The following MBD5 variants were observed in gnomAD, a reference collection of about 807,000 sequenced individuals.
MBD5 encodes methyl-CpG-binding domain protein 5.
A neutral mutation model predicts 117.3 loss-of-function variants in MBD5; 13 were observed. The ratio of observed to expected loss-of-function variants is 0.11; its 90% CI spans 0.07 to 0.18. MBD5 has a LOEUF of 0.18. Ranked by LOEUF, MBD5 falls within the 10% of genes least tolerant of loss-of-function variation. MBD5 has a pLI of 1.00. For missense variants in MBD5, 1,879 were observed against 2,093.8 expected (o/e 0.90, Z 2.00); for synonymous variants, 727 against 766.4 (o/e 0.95, Z 0.85).
At chr2:148,091,275 A>G (rs1272240345) in intron 1 of MBD5, among the ~76,000 whole-genome samples, 1 of 152,112 alleles carries the variant, frequency 6.6e-6, no homozygotes, top group African/African-American at 2.4e-5. Flanking sequence ...TCAAAATACC[A>G]TCATCATTCT....
chr2:148,138,288 G>A (rs1254058453), intron 1 of MBD5, among the ~76,000 whole-genome samples: 1 of 152,122 alleles, frequency 6.6e-6, no homozygotes, highest in Admixed American at 6.5e-5. Context: ...TTATTCTCAT[G>A]TTACAGATGT....
chr2:148,232,011 T>C (rs1033946921), intron 2 of MBD5, among the ~76,000 whole-genome samples: 5 of 152,050 alleles, frequency 3.3e-5, no homozygotes, highest in African/African-American at 1.2e-4. Flanking sequence ...TTTGAGAAGA[T>C]CCAGAAACAA....
At chr2:148,239,686 T>TACACACACACACACACACACACAC (rs34980624) in intron 3 of MBD5, among the ~76,000 whole-genome samples, 1,520 of 141,478 alleles carry the variant, frequency 0.011, 19 homozygotes, top group East Asian at 0.038. Flanking sequence ...TTTATTTACT[T>TACACACACACACACACACACACAC]ACACACACAC....
chr2:148,470,455 G>A lies in MBD5; in HGVS notation c.2512G>A (p.Glu838Lys). The A allele has an allele frequency of 6.3e-7, 1 of 1,597,474 alleles. No homozygotes were observed. The highest frequency in any genetic ancestry group is 8.5e-7 in the Non-Finnish European group (1 of 1,171,538). The change falls in exon 8 of 14, where the codon GAA becomes AAA. Residue 838 changes from glutamate (E) to lysine (K), a missense_variant. Around this residue, in one of 4 missense-constraint regions of MBD5, gnomAD observed 1,666 missense variants for 1,792.2 expected, o/e 0.93. Transcript: ENST00000642680. ...TAGCAGCTATAATCAAACAAGTTCT[G>A]AAGCAGGTATGGTTTTATTAGAAAA... Reference protein sequence around the residue: ...IVSSYNQTSSEAGGSGPSSSI... With the variant: ...IVSSYNQTSSKAGGSGPSSSI...
At chr2:148,037,036 A>G (rs555769769) in intron 1 of MBD5, among the ~76,000 whole-genome samples, 2 of 152,088 alleles carry the variant, frequency 1.3e-5, no homozygotes, top group East Asian at 3.9e-4. Context: ...TCAAATTTAT[A>G]ATTTATGCTC....
chr2:148,044,078 C>T (rs1472678061), intron 1 of MBD5, among the ~76,000 whole-genome samples: 3 of 152,142 alleles, frequency 2.0e-5, no homozygotes, highest in Non-Finnish European at 4.4e-5. Context: ...CAAGAAGAGT[C>T]ATCTTTATAT....
chr2:148,476,454 G>A (rs1270164338), intron 8 of MBD5, among the ~76,000 whole-genome samples: 3 of 151,766 alleles, frequency 2.0e-5, no homozygotes, highest in Admixed American at 6.6e-5. Context: ...ATTCTATTTG[G>A]TATTTTTTAA....
In MBD5 at chr2:148,470,062, T is replaced by G. The variant is rs1394309796; in HGVS notation, c.2119T>G (p.Ser707Ala). ...CAGTTCAATGTCTCAGTTACTACAG[T>G]CTATGAGTTGTCAAAGCTCTCACTT... Reference protein sequence around the residue: ...PISSMSQLLQSMSCQSSHLSS... With the variant: ...PISSMSQLLQAMSCQSSHLSS... Residue 707 changes from serine (S) to alanine (A), a missense_variant, in exon 8 of 14, where the codon TCT becomes GCT. By Grantham distance (99) the Ser-to-Ala change is moderately conservative. Transcript: ENST00000642680. 4 of 1,613,898 alleles carry G rather than the reference T, an allele frequency of 2.5e-6. No homozygotes were observed. Among genetic ancestry groups the G allele is most frequent in the Non-Finnish European group, 3.4e-6 (4 of 1,179,892 alleles).
intron 4 of MBD5, among the ~76,000 whole-genome samples, chr2:148,418,724 T>G (rs1705501989): frequency 6.6e-6 from 1 of 152,120 alleles, no homozygotes; most frequent in Admixed American, 6.5e-5. Context: ...AAAGAAATTA[T>G]AGATGACACA....
intron 1 of MBD5, chr2:148,025,749 G>A (rs1693874539): frequency 6.6e-6 from 1 of 152,092 alleles, no homozygotes; most frequent in Non-Finnish European, 1.5e-5. Context: ...AGTAATTAGT[G>A]TGCACTATTT....
chr2:148,382,208 C>T (rs1704169884), intron 4 of MBD5, among the ~76,000 whole-genome samples: 3 of 151,406 alleles, frequency 2.0e-5, no homozygotes, highest in Admixed American at 2.0e-4. Flanking sequence ...TTCAGGAAAC[C>T]CATCTCACGT....
chr2:148,514,579 G>A lies in MBD5; in HGVS notation c.*1638G>A, dbSNP rs1682302335. 1 of 152,274 alleles carries A rather than the reference G, an allele frequency of 6.6e-6. No individual in the cohort carries two copies. Among genetic ancestry groups the A allele is most frequent in the Non-Finnish European group, 1.5e-5 (1 of 68,104 alleles). The allele number at this position is 152,274 out of a possible 1,614,324, so 9.4% of individuals were successfully genotyped here. A position where few individuals can be genotyped will look rare whatever the true frequency, so the allele number is the denominator to read the frequency against. ...GCTCACACAACAGTCTGCCACTCAG[G>A]CTGCTAGGAGATTCTCCAATAGCAG... On this transcript the variant is annotated 3_prime_UTR_variant, in exon 14 of 14. Coordinates refer to ENST00000642680, the MANE Select transcript of MBD5 (RefSeq NM_001378120.1).
intron 12 of MBD5, among the ~76,000 whole-genome samples, chr2:148,508,041 T>C (rs530146276): frequency 2.1e-4 from 32 of 152,346 alleles, no homozygotes; most frequent in Middle Eastern, 3.4e-3. Flanking sequence ...TTTAACACAT[T>C]ACACACAGTG....
chr2:148,372,581 T>G, intron 4 of MBD5, among the ~76,000 whole-genome samples: 1 of 152,000 alleles, frequency 6.6e-6, no homozygotes, highest in East Asian at 1.9e-4. Flanking sequence ...GAGCCCTCAC[T>G]GGTGGGAAAA....
At chr2:148,058,541 T>A (rs1694938799) in intron 1 of MBD5, among the ~76,000 whole-genome samples, 1 of 152,026 alleles carries the variant, frequency 6.6e-6, no homozygotes, top group African/African-American at 2.4e-5. Flanking sequence ...CAAATGCTTT[T>A]TTTTTAAAAA....
At chr2:148,148,941 T>C (rs889076467) in intron 1 of MBD5, among the ~76,000 whole-genome samples, 21 of 152,272 alleles carry the variant, frequency 1.4e-4, no homozygotes, top group African/African-American at 5.1e-4. Context: ...ATTTATTTTA[T>C]TTTATTTTTA....
chr2:148,046,473 A>G (rs968974629), intron 1 of MBD5, among the ~76,000 whole-genome samples: 1 of 152,186 alleles, frequency 6.6e-6, no homozygotes, highest in African/African-American at 2.4e-5. Flanking sequence ...GTAATTACTC[A>G]TTAACATCTC....
chr2:148,491,445 A>G (rs551208484), intron 11 of MBD5, among the ~76,000 whole-genome samples: 1 of 152,116 alleles, frequency 6.6e-6, no homozygotes, highest in Non-Finnish European at 1.5e-5. Flanking sequence ...TTAAAAACGT[A>G]TAATTTTTCA....
At chr2:148,101,141 A>G (rs1488088473) in intron 1 of MBD5, among the ~76,000 whole-genome samples, 1 of 152,136 alleles carries the variant, frequency 6.6e-6, no homozygotes, top group African/African-American at 2.4e-5. Flanking sequence ...AATATTTGCA[A>G]AAACGGAAAG....
Sources: allele counts gnomAD v4.1 joint callset (sites outside exome capture counted in the v4.1 genomes callset), GRCh38; gene constraint gnomAD v4.1.1; regional missense constraint gnomAD v4.1.1; transcripts MANE v1.5; gene names NCBI Gene and HGNC (gene_info 2026-07-23, HGNC 2026-07-21).